Variants in KSR2 observed in about 807,000 individuals in gnomAD.
KSR2 encodes kinase suppressor of ras 2.
In KSR2, 25 loss-of-function variants were observed where a neutral mutation model predicts 107.8. The observed-to-expected ratio is 0.23, with a 90% CI of 0.17 to 0.32. The LOEUF is 0.32. Among genes scored for constraint, KSR2 ranks in the 10% least tolerant of loss-of-function variants. The pLI is 1.00. For synonymous variants in KSR2, 480 were observed against 507.0 expected (o/e 0.95, Z 0.71); for missense variants, 887 against 1,268.9 (o/e 0.70, Z 4.57).
intron 5 of KSR2, among the ~76,000 whole-genome samples, chr12:117,596,307 G>A (rs1757074053): frequency 6.6e-6 from 1 of 152,042 alleles, no homozygotes; most frequent in African/African-American, 2.4e-5. Flanking sequence ...AACAGCAAGG[G>A]AATGATCTGC....
At chr12:117,638,351 G>A (rs1015043501) in intron 5 of KSR2, among the ~76,000 whole-genome samples, 2 of 152,096 alleles carry the variant, frequency 1.3e-5, no homozygotes, top group Non-Finnish European at 1.5e-5. Flanking sequence ...ATAACATGAA[G>A]AGCCACGTCC....
chr12:117,855,339 G>T (rs1893063050), intron 3 of KSR2, 89 bp downstream of exon 3: 70 of 1,553,624 alleles, frequency 4.5e-5, no homozygotes, highest in Non-Finnish European at 6.2e-5. Context: ...TCTCGTCCTG[G>T]CCTGCAGTGG....
At chr12:117,625,571 C>G (rs927285055) in intron 5 of KSR2, among the ~76,000 whole-genome samples, 1 of 152,050 alleles carries the variant, frequency 6.6e-6, no homozygotes, top group African/African-American at 2.4e-5. Flanking sequence ...TCGTGGTGGA[C>G]AAGCTTTTTG....
chr12:117,713,688 A>G (rs1886877623), intron 4 of KSR2, among the ~76,000 whole-genome samples: 1 of 152,214 alleles, frequency 6.6e-6, no homozygotes, highest in African/African-American at 2.4e-5. Flanking sequence ...ACAGGAAAGA[A>G]AAAGTCCTTC....
At chr12:117,873,902 A>T (rs1224218975) in intron 1 of KSR2, among the ~76,000 whole-genome samples, 1 of 152,198 alleles carries the variant, frequency 6.6e-6, no homozygotes, top group Non-Finnish European at 1.5e-5. Flanking sequence ...ATCAAGAGAG[A>T]GCATTTAGAT....
chr12:117,564,110 A>T (rs1425664656), intron 7 of KSR2, among the ~76,000 whole-genome samples: 1 of 152,194 alleles, frequency 6.6e-6, no homozygotes, highest in Non-Finnish European at 1.5e-5. Flanking sequence ...TTGGTTCTCC[A>T]GGTGCTCCAT....
chr12:117,774,995 T>C (rs1251042335), intron 3 of KSR2, among the ~76,000 whole-genome samples: 2 of 152,240 alleles, frequency 1.3e-5, no homozygotes, highest in African/African-American at 2.4e-5. Context: ...TGTGTTGGTC[T>C]TTCCTTTCTT....
chr12:117,828,192 C>T (rs1317266694), intron 3 of KSR2, among the ~76,000 whole-genome samples: 2 of 152,116 alleles, frequency 1.3e-5, no homozygotes, highest in Admixed American at 1.3e-4. Flanking sequence ...ACCCAGTGTC[C>T]GGTATGCAGT....
At chr12:117,785,693 G>A (rs977600945) in intron 3 of KSR2, among the ~76,000 whole-genome samples, 7 of 151,982 alleles carry the variant, frequency 4.6e-5, no homozygotes, top group Non-Finnish European at 7.4e-5. Context: ...ATATCAAAAC[G>A]GAGATGACAA....
intron 17 of KSR2, among the ~76,000 whole-genome samples, chr12:117,475,706 A>G (rs992103797): frequency 1.3e-5 from 2 of 152,182 alleles, no homozygotes; most frequent in East Asian, 3.9e-4. Context: ...ATATTCTTTG[A>G]TATTCCATTA....
chr12:117,586,629 A>AAAAG (rs71450224), intron 5 of KSR2, among the ~76,000 whole-genome samples: 45,021 of 138,212 alleles, frequency 0.33, 8,393 homozygotes, highest in East Asian at 0.53. Flanking sequence ...AAAAGAAAGA[A>AAAAG]AAAGAAAGAA....
chr12:117,606,496 CATCCCCT>C (rs1881262712), intron 5 of KSR2, among the ~76,000 whole-genome samples: 1 of 64,522 alleles, frequency 1.5e-5, no homozygotes, highest in African/African-American at 4.7e-5. Flanking sequence ...TTCCTTCCTC[CATCCCCT>C]CCTTCCTTCC....
intron 14 of KSR2, among the ~76,000 whole-genome samples, chr12:117,488,980 T>C (rs1464207812): frequency 6.6e-6 from 1 of 152,236 alleles, no homozygotes; most frequent in African/African-American, 2.4e-5. Flanking sequence ...GTTCATGCTG[T>C]ACTATATAAA....
chr12:117,662,670 C>A (rs148218680), intron 5 of KSR2, among the ~76,000 whole-genome samples: 7 of 152,122 alleles, frequency 4.6e-5, no homozygotes, highest in Non-Finnish European at 1.0e-4. Context: ...TCATTACGAC[C>A]AAGATGGGGA....
chr12:117,633,055 T>C (rs979324590), intron 5 of KSR2, among the ~76,000 whole-genome samples: 6 of 152,204 alleles, frequency 3.9e-5, no homozygotes, highest in African/African-American at 1.4e-4. Flanking sequence ...GGGAATAAAG[T>C]CATTCAGGTA....
chr12:117,967,836 TACC>T (rs1397178922), intron 1 of KSR2, among the ~76,000 whole-genome samples: 1 of 151,950 alleles, frequency 6.6e-6, no homozygotes, highest in Non-Finnish European at 1.5e-5. Context: ...CTACTACTAC[TACC>T]ACCACCCAGC....
chr12:117,540,549 G>A (rs986044698), intron 9 of KSR2, among the ~76,000 whole-genome samples: 3 of 152,216 alleles, frequency 2.0e-5, no homozygotes, highest in African/African-American at 2.4e-5. Context: ...TAAGGATCCC[G>A]AGATGAGATC....
chr12:117,526,069 G>C (rs1875132428), intron 13 of KSR2, among the ~76,000 whole-genome samples: 1 of 152,200 alleles, frequency 6.6e-6, no homozygotes. Context: ...TCTTTGTACA[G>C]ACCTGACCAT....
rs1008670021 is a variant in KSR2 at position 117,464,493 on chromosome 12, T to C, written c.*2706A>G. On this transcript the variant is annotated 3_prime_UTR_variant, in exon 20 of 20. Coordinates refer to ENST00000339824, the MANE Select transcript of KSR2 (RefSeq NM_173598.6). Reference sequence around the variant, plus strand: ...ATACAGCCTCTTTCCTCTTTTTTTTTCCTCCCTGCGTAAGATGAATATAAC... The same window carrying C: ...ATACAGCCTCTTTCCTCTTTTTTTTCCCTCCCTGCGTAAGATGAATATAAC... 1 of 152,246 alleles carries C rather than the reference T, an allele frequency of 6.6e-6. No homozygotes were observed. The highest frequency in any genetic ancestry group is 1.9e-4 in the East Asian group (1 of 5,178). The allele number at this position is 152,246 out of a possible 1,614,324, so 9.4% of individuals were successfully genotyped here. A position where few individuals can be genotyped will look rare whatever the true frequency, so the allele number is the denominator to read the frequency against.
Sources: gnomAD v4.1 joint callset for allele counts (sites outside exome capture counted in the v4.1 genomes callset) on GRCh38, gnomAD v4.1.1 for gene constraint, MANE v1.5 for transcripts, NCBI Gene and HGNC (gene_info 2026-07-23, HGNC 2026-07-21) for gene names.